GABRA2: variants seen among roughly 807,000 people sequenced by gnomAD.
The protein encoded by GABRA2 is gamma-aminobutyric acid receptor subunit alpha-2.
Under a neutral mutation model 48.7 loss-of-function variants are expected in GABRA2, and 16 were observed. The ratio of observed to expected loss-of-function variants is 0.33; its 90% confidence interval spans 0.22 to 0.50. The LOEUF (loss-of-function observed/expected upper bound fraction) is 0.50, where lower values mean the gene tolerates loss of function less well. Among genes scored for constraint, GABRA2 ranks in the 20% least tolerant of loss-of-function variants. The probability of loss-of-function intolerance (pLI) is 0.98; values close to 1 mark genes in which losing one functional copy is unlikely to be tolerated. For missense variants in GABRA2, 275 were observed against 535.6 expected (o/e 0.51, Z 4.80); for synonymous variants, 185 against 184.5 (o/e 1.00, Z -0.02).
chr4:46,302,635 A>G (rs1725944921), intron 8 of GABRA2: 1 of 152,182 alleles, frequency 6.6e-6, no homozygotes, highest in Admixed American at 6.6e-5. Context: ...TAGTGAGACT[A>G]TAAATTAAAA....
intron 9 of GABRA2, among the ~76,000 whole-genome samples, chr4:46,260,172 T>C (rs1716663706): frequency 6.6e-6 from 1 of 151,922 alleles, no homozygotes. Flanking sequence ...GGCACTGTGC[T>C]GGACACTCTA....
At chr4:46,381,901 A>AT in intron 3 of GABRA2, among the ~76,000 whole-genome samples, 1 of 152,270 alleles carries the variant, frequency 6.6e-6, no homozygotes, top group Admixed American at 6.5e-5. Context: ...CACTCCATTG[A>AT]TTTTAAGGAT....
chr4:46,323,054 A>T (rs1415009656), intron 4 of GABRA2, among the ~76,000 whole-genome samples: 2 of 151,746 alleles, frequency 1.3e-5, no homozygotes. Context: ...CTTTTACAGA[A>T]TGTATATAGT....
At chr4:46,374,028 TA>T (rs1171439923) in intron 3 of GABRA2, among the ~76,000 whole-genome samples, 1 of 152,188 alleles carries the variant, frequency 6.6e-6, no homozygotes, top group African/African-American at 2.4e-5. Context: ...TTTAGCCCAC[TA>T]TTTTTTTCTT....
At chr4:46,312,907 C>T (rs1727896550) in intron 4 of GABRA2, among the ~76,000 whole-genome samples, 191 bp from the exon 5 acceptor site, 1 of 151,944 alleles carries the variant, frequency 6.6e-6, no homozygotes, top group African/African-American at 2.4e-5. Flanking sequence ...TAAAGTACGT[C>T]TGTGTATACT....
In GABRA2 at chr4:46,312,486, A is replaced by G. The variant is rs754119746; in HGVS notation, c.476+10T>C. 6.3e-7 allele frequency: 1 copy of G among 1,581,276 alleles called. No individual in the cohort carries two copies. On this transcript the variant is annotated intron_variant, in intron 5 of 9. Transcript: ENST00000381620. ...TATATAAATACATCACATCAAACCT[A>G]AAAACATACCTCATGGTATACAGCA...
intron 8 of GABRA2, among the ~76,000 whole-genome samples, chr4:46,280,351 A>G (rs769702280): frequency 2.6e-5 from 4 of 152,130 alleles, no homozygotes; most frequent in African/African-American, 4.8e-5. Flanking sequence ...ACAAGGAAAC[A>G]AAGCTGATAG....
intron 3 of GABRA2, among the ~76,000 whole-genome samples, chr4:46,348,775 T>G (rs1578133799): frequency 7.6e-5 from 4 of 52,672 alleles, no homozygotes; most frequent in South Asian, 7.4e-4. Flanking sequence ...GGGACTGTTG[T>G]GGGGTGGGGG....
intron 8 of GABRA2, among the ~76,000 whole-genome samples, chr4:46,294,455 A>C (rs1724253721): frequency 6.6e-6 from 1 of 152,190 alleles, no homozygotes; most frequent in South Asian, 2.1e-4. Flanking sequence ...TTTGGAGACA[A>C]CACATTCCTC....
At chr4:46,355,256 A>G (rs971393869) in intron 3 of GABRA2, among the ~76,000 whole-genome samples, 2 of 152,176 alleles carry the variant, frequency 1.3e-5, no homozygotes, top group East Asian at 1.9e-4. Context: ...TTCTTGCGGT[A>G]TAAACATAGA....
In GABRA2 at chr4:46,390,006, G is replaced by A. The variant is rs1718043790; in HGVS notation, c.-282C>T. ...GGTGATGGGCGGAGGAGGAGGAAGA[G>A]GAGGAGGAGGAAGAGGAGGAGGGGG... On this transcript the variant is annotated 5_prime_UTR_variant, in exon 1 of 10. Coordinates refer to ENST00000381620, the MANE Select transcript of GABRA2 (RefSeq NM_000807.4). 1 of 963,100 alleles carries A rather than the reference G, an allele frequency of 1.0e-6. No individual in the cohort carries two copies. The highest frequency in any genetic ancestry group is 1.2e-6 in the Non-Finnish European group (1 of 813,748). 59.7% of individuals were successfully genotyped at this position (963,100 alleles called of 1,614,324 possible).
intron 8 of GABRA2, among the ~76,000 whole-genome samples, chr4:46,294,289 A>C (rs6858870): frequency 1.3e-5 from 2 of 152,188 alleles, no homozygotes; most frequent in African/African-American, 4.8e-5. Context: ...AGGATGAAAA[A>C]TAAATCCAAC....
At chr4:46,363,425 G>A (rs760396476) in intron 3 of GABRA2, among the ~76,000 whole-genome samples, 5 of 152,060 alleles carry the variant, frequency 3.3e-5, no homozygotes, top group Non-Finnish European at 7.4e-5. Context: ...ATAAAAACGA[G>A]AGCAAGAAAT....
Position 46,332,690 on chromosome 4 carries a change from G to C in GABRA2, c.188-8C>G, listed in dbSNP as rs1266174901. The C allele has an allele frequency of 6.8e-7, 1 of 1,478,612 alleles. No individual in the cohort carries two copies. Among genetic ancestry groups the C allele is most frequent in the South Asian group, 1.1e-5 (1 of 87,878 alleles). The allele number at this position is 1,478,612 out of a possible 1,614,324, so 91.6% of individuals were successfully genotyped here. ...AGACTTCAGTAATACTGTCTAATAT[G>C]AGAAAAGAGATTGAATATAGATATT... On this transcript the variant is annotated splice_polypyrimidine_tract_variant and splice_region_variant and intron_variant, in intron 3 of 9. Coordinates refer to ENST00000381620, the MANE Select transcript of GABRA2 (RefSeq NM_000807.4).
intron 3 of GABRA2, chr4:46,364,505 A>G (rs571129529): frequency 6.6e-6 from 1 of 152,322 alleles, no homozygotes; most frequent in Non-Finnish European, 1.5e-5. Flanking sequence ...GGCTGAAATC[A>G]AGGTATGGGT....
intron 4 of GABRA2, among the ~76,000 whole-genome samples, chr4:46,326,731 G>C (rs1321826695): frequency 6.6e-6 from 1 of 151,770 alleles, no homozygotes; most frequent in East Asian, 2.0e-4. Flanking sequence ...ACCACCATTA[G>C]ATGGCCCCCA....
intron 3 of GABRA2, among the ~76,000 whole-genome samples, chr4:46,383,282 T>G (rs1443504925): frequency 1.3e-5 from 2 of 152,184 alleles, no homozygotes; most frequent in African/African-American, 4.8e-5. Context: ...GGCTAGCGAT[T>G]GAAAGGTCAC....
At chr4:46,277,845 G>A (rs1560466386) in intron 8 of GABRA2, among the ~76,000 whole-genome samples, 2 of 152,262 alleles carry the variant, frequency 1.3e-5, no homozygotes, top group South Asian at 4.1e-4. Flanking sequence ...GTCAATGCAA[G>A]AATATGAGTC....
intron 8 of GABRA2, among the ~76,000 whole-genome samples, chr4:46,295,362 C>A (rs1195379353): frequency 6.6e-6 from 1 of 152,142 alleles, no homozygotes; most frequent in East Asian, 1.9e-4. Flanking sequence ...AAATTGGTGA[C>A]AAAGAAATTT....
Sources: gnomAD v4.1 joint callset for allele counts (sites outside exome capture counted in the v4.1 genomes callset) on GRCh38, gnomAD v4.1.1 for gene constraint, MANE v1.5 for transcripts, NCBI Gene and HGNC (gene_info 2026-07-23, HGNC 2026-07-21) for gene names.